PTPRD: variants seen among roughly 807,000 people sequenced by gnomAD.
PTPRD encodes the protein receptor-type tyrosine-protein phosphatase delta.
Under a neutral mutation model 214.5 loss-of-function variants are expected in PTPRD, and 34 were observed. The observed-to-expected ratio is 0.16, with a 90% CI of 0.12 to 0.21. The LOEUF (loss-of-function observed/expected upper bound fraction) is 0.21. Among genes scored for constraint, PTPRD ranks in the 10% least tolerant of loss-of-function variants. The probability of loss-of-function intolerance (pLI) is 1.00; values close to 1 mark genes in which losing one functional copy is unlikely to be tolerated. For synonymous variants in PTPRD, 1,128 were observed against 845.7 expected, an observed-to-expected ratio of 1.33 and a Z score of -5.79; for missense variants, 2,545 against 2,398.7, an observed-to-expected ratio of 1.06 and a Z score of -1.27.
chr9:8,366,653 C>T (rs1205113922), intron 39 of PTPRD, among the ~76,000 whole-genome samples: 3 of 151,730 alleles, frequency 2.0e-5, no homozygotes, highest in African/African-American at 7.3e-5. Flanking sequence ...TTATGACTCA[C>T]TTTCTTTCCA....
intron 3 of PTPRD, among the ~76,000 whole-genome samples, chr9:10,254,025 A>G (rs1235169992): frequency 2.0e-5 from 3 of 152,184 alleles, no homozygotes. Flanking sequence ...ATAATAACAC[A>G]TTTCCCCGTA....
intron 5 of PTPRD, among the ~76,000 whole-genome samples, chr9:9,903,754 C>A (rs1056399426): frequency 6.6e-6 from 1 of 152,020 alleles, no homozygotes; most frequent in African/African-American, 2.4e-5. Flanking sequence ...TTCTAAAGTA[C>A]TTGAAGTTTT....
chr9:10,553,129 G>C lies in PTPRD; in HGVS notation c.-600+59269C>G, dbSNP rs561213089. ...GAATCACAGAAGCACATCTGGATTT[G>C]TTATATTCCTGTCCATCCAGCCTAA... On this transcript the variant is annotated intron_variant, in intron 2 of 45. Transcript: ENST00000381196. 8.5e-5 allele frequency among the ~76,000 whole-genome samples: 13 copies of C among 152,232 alleles called. No homozygotes were observed. In the South Asian group the frequency reaches 2.7e-3, roughly 32 times the overall value.
At chr9:10,424,707 T>C (rs1018634930) in intron 2 of PTPRD, among the ~76,000 whole-genome samples, 1 of 151,940 alleles carries the variant, frequency 6.6e-6, no homozygotes, top group African/African-American at 2.4e-5. Context: ...TGCTCATAAA[T>C]GGTAAATGAC....
At chr9:8,684,464 C>T (rs577807886) in intron 12 of PTPRD, among the ~76,000 whole-genome samples, 37 of 149,048 alleles carry the variant, frequency 2.5e-4, no homozygotes, top group Non-Finnish European at 4.6e-4. Flanking sequence ...CTCTTTCCTT[C>T]AATGATATCC....
chr9:8,760,678 C>A (rs1020564599), intron 11 of PTPRD, among the ~76,000 whole-genome samples: 1 of 151,674 alleles, frequency 6.6e-6, no homozygotes, highest in Non-Finnish European at 1.5e-5. Context: ...GTCTGGCTAG[C>A]AGAGCTATCA....
At chr9:9,036,793 A>T (rs1323650645) in intron 10 of PTPRD, among the ~76,000 whole-genome samples, 1 of 152,080 alleles carries the variant, frequency 6.6e-6, no homozygotes, top group Non-Finnish European at 1.5e-5. Context: ...CCCCTGATAC[A>T]TATATATCCC....
chr9:10,555,161 A>T (rs1369530747), intron 2 of PTPRD, among the ~76,000 whole-genome samples: 1 of 152,200 alleles, frequency 6.6e-6, no homozygotes, highest in Non-Finnish European at 1.5e-5. Flanking sequence ...AAACCTTTCC[A>T]CTGCAACCTA....
intron 10 of PTPRD, among the ~76,000 whole-genome samples, chr9:9,112,196 G>A (rs538782274): frequency 2.6e-5 from 4 of 152,150 alleles, no homozygotes; most frequent in Non-Finnish European, 4.4e-5. Context: ...CACTGGGACC[G>A]TGAAAGCACT....
chr9:10,455,692 A>G (rs1244487466), intron 2 of PTPRD, among the ~76,000 whole-genome samples: 1 of 151,838 alleles, frequency 6.6e-6, no homozygotes, highest in Admixed American at 6.6e-5. Flanking sequence ...TTGAGAACCA[A>G]TACAATATGT....
At chr9:9,478,331 C>T (rs1053507967) in intron 8 of PTPRD, among the ~76,000 whole-genome samples, 1 of 152,110 alleles carries the variant, frequency 6.6e-6, no homozygotes, top group Non-Finnish European at 1.5e-5. Flanking sequence ...TTCTGAAATG[C>T]CTTTAAGGTC....
intron 2 of PTPRD, among the ~76,000 whole-genome samples, chr9:10,478,190 T>C (rs1433332034): frequency 1.3e-5 from 2 of 152,086 alleles, no homozygotes; most frequent in African/African-American, 2.4e-5. Flanking sequence ...GAATTCACAG[T>C]ATGTTAAACT....
chr9:8,587,964 G>A (rs2093800141), intron 14 of PTPRD, among the ~76,000 whole-genome samples: 1 of 152,196 alleles, frequency 6.6e-6, no homozygotes, highest in Non-Finnish European at 1.5e-5. Context: ...GTGCATCTCA[G>A]GCTAAGAAGC....
At chr9:10,287,068 AT>A (rs1338953397) in intron 3 of PTPRD, among the ~76,000 whole-genome samples, 1 of 152,212 alleles carries the variant, frequency 6.6e-6, no homozygotes, top group African/African-American at 2.4e-5. Flanking sequence ...AACATTGCCA[AT>A]AAAAAAGATG....
At chr9:10,259,353 C>T (rs1038160683) in intron 3 of PTPRD, among the ~76,000 whole-genome samples, 2 of 152,100 alleles carry the variant, frequency 1.3e-5, no homozygotes, top group Non-Finnish European at 1.5e-5. Context: ...TAGTGATTGA[C>T]GTTCTTTTTC....
At chr9:8,326,934 T>G (rs1453348025) in intron 44 of PTPRD, among the ~76,000 whole-genome samples, 1 of 147,558 alleles carries the variant, frequency 6.8e-6, no homozygotes, top group Non-Finnish European at 1.5e-5. Context: ...TGTGTCTGTT[T>G]GAGTCTTCTG....
At chr9:10,538,856 T>C (rs2058470364) in intron 2 of PTPRD, among the ~76,000 whole-genome samples, 1 of 152,162 alleles carries the variant, frequency 6.6e-6, no homozygotes, top group Non-Finnish European at 1.5e-5. Context: ...TGATATATAG[T>C]ATCATGGAAT....
chr9:8,366,472 G>C (rs1299502615), intron 39 of PTPRD, among the ~76,000 whole-genome samples: 1 of 152,142 alleles, frequency 6.6e-6, no homozygotes. Flanking sequence ...TCCCTTGGAA[G>C]AAAGTAGACA....
chr9:9,799,744 T>C (rs976369255), intron 5 of PTPRD: 1 of 152,110 alleles, frequency 6.6e-6, no homozygotes, highest in Non-Finnish European at 1.5e-5. Context: ...TCCCAATGAA[T>C]ATAAATAAAG....
Sources: gnomAD v4.1 joint callset for allele counts (sites outside exome capture counted in the v4.1 genomes callset) on GRCh38, gnomAD v4.1.1 for gene constraint, MANE v1.5 for transcripts, NCBI Gene and HGNC (gene_info 2026-07-23, HGNC 2026-07-21) for gene names.